HIBCH: variants seen among roughly 807,000 people sequenced by gnomAD.
HIBCH encodes 3-hydroxyisobutyryl-CoA hydrolase, mitochondrial.
A neutral mutation model predicts 58.2 loss-of-function variants in HIBCH; 50 were observed. The ratio of observed to expected loss-of-function variants is 0.86; its 90% CI spans 0.68 to 1.09. The LOEUF (loss-of-function observed/expected upper bound fraction) is 1.09, where lower values mean the gene tolerates loss of function less well. Ranked by LOEUF, HIBCH falls within the 50% of genes least tolerant of loss-of-function variation. HIBCH has a pLI of 0.00. For missense variants in HIBCH, 450 were observed against 449.7 expected (o/e 1.00, Z -0.01); for synonymous variants, 151 against 146.9 (o/e 1.03, Z -0.20).
intron 7 of HIBCH, among the ~76,000 whole-genome samples, chr2:190,258,135 T>G (rs1464774129): frequency 6.6e-6 from 1 of 151,962 alleles, no homozygotes. Context: ...TAATAATGAG[T>G]GAGTTCTCAT....
At chr2:190,239,162 A>T (rs560359062) in intron 11 of HIBCH, among the ~76,000 whole-genome samples, 32 of 152,310 alleles carry the variant, frequency 2.1e-4, no homozygotes, top group African/African-American at 6.0e-4. Context: ...GAAGGGGTCC[A>T]GTTTCAGTTT....
intron 11 of HIBCH, among the ~76,000 whole-genome samples, chr2:190,225,242 T>A (rs1045619744): frequency 1.3e-5 from 2 of 152,128 alleles, no homozygotes; most frequent in Admixed American, 1.3e-4. Flanking sequence ...ATTCAAAAGC[T>A]ACCAGAAGGC....
intron 1 of HIBCH, among the ~76,000 whole-genome samples, chr2:190,194,417 A>AG (rs1689866740): frequency 6.6e-6 from 1 of 151,836 alleles, no homozygotes. Flanking sequence ...TGTTTTTCAG[A>AG]GCAGTTTTAA....
At chr2:190,313,469 G>A (rs1009890869) in intron 1 of HIBCH, among the ~76,000 whole-genome samples, 1 of 152,044 alleles carries the variant, frequency 6.6e-6, no homozygotes, top group Non-Finnish European at 1.5e-5. Context: ...CTGCAATTGG[G>A]GACCCTTTCT....
intron 11 of HIBCH, among the ~76,000 whole-genome samples, chr2:190,238,022 T>C (rs899928207): frequency 6.6e-6 from 1 of 152,218 alleles, no homozygotes. Context: ...TACAGCTGCA[T>C]GGTATTCCAT....
chr2:190,314,341 AT>A (rs1688648376), intron 1 of HIBCH, among the ~76,000 whole-genome samples: 1 of 47,848 alleles, frequency 2.1e-5, no homozygotes, highest in Non-Finnish European at 5.0e-5. Context: ...ATATATACAT[AT>A]ATATGTGTAT....
At chr2:190,287,556 T>C (rs762679663) in intron 6 of HIBCH, 30 bp downstream of exon 6, 1 of 1,404,672 alleles carries the variant, frequency 7.1e-7, no homozygotes, top group Admixed American at 1.7e-5. Context: ...AACTCACTCA[T>C]ACAATGATCA....
chr2:190,305,373 G>A (rs1688377954), intron 2 of HIBCH, among the ~76,000 whole-genome samples: 1 of 152,104 alleles, frequency 6.6e-6, no homozygotes, highest in Non-Finnish European at 1.5e-5. Flanking sequence ...AGGTGCTAGG[G>A]AAGGAACTAT....
At chr2:190,307,642 C>T (rs758191967) in intron 2 of HIBCH, among the ~76,000 whole-genome samples, 3 of 151,882 alleles carry the variant, frequency 2.0e-5, no homozygotes, top group African/African-American at 4.8e-5. Context: ...CCAGCCTGGG[C>T]AACACAGCAA....
intron 2 of HIBCH, among the ~76,000 whole-genome samples, chr2:190,298,572 T>C (rs1175235733): frequency 6.6e-6 from 1 of 152,150 alleles, no homozygotes; most frequent in African/African-American, 2.4e-5. Context: ...TTCATATCCT[T>C]CTCCCACTTT....
At chr2:190,264,033 C>T (rs2105955398) in intron 6 of HIBCH, among the ~76,000 whole-genome samples, 1 of 152,246 alleles carries the variant, frequency 6.6e-6, no homozygotes, top group Non-Finnish European at 1.5e-5. Context: ...GTGTATCTTG[C>T]TTCTATTCTT....
In HIBCH at chr2:190,310,786, A is replaced by C; in HGVS notation, c.46T>G (p.Phe16Val). The C allele has an allele frequency of 6.2e-7, 1 of 1,608,714 alleles. No individual in the cohort carries two copies. Among genetic ancestry groups the C allele is most frequent in the Non-Finnish European group, 8.5e-7 (1 of 1,175,008 alleles). ...TGCAGTATGGTATTAGTCCTTTTGA[A>C]TGCATTAAACCTGAAACAAATGTGG... ...MWRLMSRFNAFKRTNTILHHL... is the reference protein window; with the variant it reads ...MWRLMSRFNAVKRTNTILHHL... The change falls in exon 2 of 14, where the codon TTC (phenylalanine) becomes GTC (valine). Residue 16 changes from phenylalanine (F) to valine (V), a missense_variant. Physicochemically the swap from Phe to Val is conservative, Grantham distance 50. Transcript: ENST00000359678.
chr2:190,255,121 C>G (rs1442088342), intron 7 of HIBCH, among the ~76,000 whole-genome samples: 2 of 152,186 alleles, frequency 1.3e-5, no homozygotes, highest in African/African-American at 4.8e-5. Flanking sequence ...CATGGTACTA[C>G]AATATAAATA....
intron 11 of HIBCH, 145 bp from the exon 12 acceptor site, chr2:190,213,220 C>T (rs1458502996): frequency 1.5e-6 from 1 of 678,736 alleles, no homozygotes; most frequent in Non-Finnish European, 2.5e-6. Flanking sequence ...GCCAAAGCAC[C>T]AAACAAAACT....
At chr2:190,274,844 C>A (rs930987237) in intron 6 of HIBCH, among the ~76,000 whole-genome samples, 6 of 152,194 alleles carry the variant, frequency 3.9e-5, no homozygotes, top group African/African-American at 1.4e-4. Context: ...TGATAGGAGT[C>A]TCTTGCAATT....
At chr2:190,231,487 CAGTA>C (rs777575269) in intron 11 of HIBCH, among the ~76,000 whole-genome samples, 5 of 152,156 alleles carry the variant, frequency 3.3e-5, no homozygotes, top group Non-Finnish European at 5.9e-5. Flanking sequence ...TCATTCAAAA[CAGTA>C]ATTACCGAAA....
chr2:190,246,065 G>T, intron 10 of HIBCH, 89 bp downstream of exon 10: 2 of 743,308 alleles, frequency 2.7e-6, no homozygotes, highest in South Asian at 1.5e-5. Context: ...CAAACACAAT[G>T]TAATTAAAAT....
chr2:190,267,331 A>T (rs1687269955), intron 6 of HIBCH, among the ~76,000 whole-genome samples: 1 of 152,010 alleles, frequency 6.6e-6, no homozygotes, highest in African/African-American at 2.4e-5. Context: ...CAGCCTCCTG[A>T]GTAGCTGGGA....
chr2:190,319,442 A>G (rs1326667460), intron 1 of HIBCH, among the ~76,000 whole-genome samples: 1 of 152,226 alleles, frequency 6.6e-6, no homozygotes, highest in East Asian at 1.9e-4. Flanking sequence ...AAAGAAACTG[A>G]GGCCAAAAGA....
Sources: gnomAD v4.1 joint callset for allele counts (sites outside exome capture counted in the v4.1 genomes callset) on GRCh38, gnomAD v4.1.1 for gene constraint, MANE v1.5 for transcripts, NCBI Gene and HGNC (gene_info 2026-07-23, HGNC 2026-07-21) for gene names.